JAKMIP1: variants seen among roughly 807,000 people sequenced by gnomAD.
JAKMIP1 encodes janus kinase and microtubule interacting protein 1.
JAKMIP1 carries 33 observed loss-of-function variants against 113.0 expected under a neutral mutation model. That is an observed-to-expected ratio of 0.29 (90% CI 0.22 to 0.39). The LOEUF (loss-of-function observed/expected upper bound fraction) is 0.39. Ranked by LOEUF, JAKMIP1 falls within the 10% of genes least tolerant of loss-of-function variation. JAKMIP1 has a pLI of 1.00. For synonymous variants in JAKMIP1, 480 were observed against 459.9 expected, an observed-to-expected ratio of 1.04 and a Z score of -0.56; for missense variants, 813 against 1,080.5, an observed-to-expected ratio of 0.75 and a Z score of 3.47.
At chr4:6,145,777 C>T (rs181464181) in intron 1 of JAKMIP1, among the ~76,000 whole-genome samples, 12 of 152,268 alleles carry the variant, frequency 7.9e-5, no homozygotes, top group Admixed American at 7.2e-4. Flanking sequence ...TCCTCCTTGG[C>T]TTGTAGACCC....
intron 19 of JAKMIP1, among the ~76,000 whole-genome samples, chr4:6,032,864 C>T (rs554881670): frequency 1.2e-4 from 19 of 152,144 alleles, no homozygotes; most frequent in African/African-American, 3.6e-4. Context: ...CAGCGGGAGG[C>T]GGGGGTGCTG....
chr4:6,140,175 A>C lies in JAKMIP1; in HGVS notation c.-147-27178T>G, dbSNP rs1189456644. ...ATACACACAGGGGAGAAAGGCTGAC[A>C]GCGGCAGAAACAATCAATGTTCACG... On this transcript the variant is annotated intron_variant, in intron 1 of 20. Transcript: ENST00000409021. This position sits in a 1 kb window ranked among gnomAD's most constrained non-coding sequence, Gnocchi z 9.4. Among the ~76,000 whole-genome samples the C allele has an allele frequency of 6.6e-6, 1 of 152,106 alleles. No individual in the cohort carries two copies. The highest frequency in any genetic ancestry group is 2.4e-5 in the African/African-American group (1 of 41,380).
chr4:6,098,623 AAAAG>A lies in JAKMIP1; in HGVS notation c.624+6846_624+6849del, dbSNP rs1220576451. On this transcript the variant is annotated intron_variant, in intron 3 of 20. Transcript: ENST00000409021. ...GAAAGGAAGAAAAGAAAGAAAAAGA[AAAAG>A]AAAGAAAGAAAAGAAAGAAAGGAAA... Among the ~76,000 whole-genome samples, 131 of 148,392 alleles carry A rather than the reference AAAAG, an allele frequency of 8.8e-4. No individual in the cohort carries two copies. The Middle Eastern group carries it at 0.01, about 12-fold the overall frequency.
intron 19 of JAKMIP1, among the ~76,000 whole-genome samples, chr4:6,032,001 C>T (rs957022045): frequency 6.6e-6 from 1 of 152,166 alleles, no homozygotes; most frequent in Non-Finnish European, 1.5e-5. Context: ...AGTTTCCTGG[C>T]AACCCCCTCA....
At position 6,038,899 on chromosome 4, in the gene JAKMIP1, C is replaced by T. The variant is rs1459356735; in HGVS notation, c.2175+1740G>A. 4.6e-5 allele frequency among the ~76,000 whole-genome samples: 7 copies of T among 152,224 alleles called. No individual in the cohort carries two copies. In the East Asian group the frequency reaches 1.3e-3, roughly 29 times the overall value. On this transcript the variant is annotated intron_variant, in intron 18 of 20. Transcript: ENST00000409021. Reference sequence around the variant, plus strand: ...TCTGGAAATCCCGTTGTGGGCCTGCCCCGCCTCACTCAGCTCAGTGACAAA... The same window carrying T: ...TCTGGAAATCCCGTTGTGGGCCTGCTCCGCCTCACTCAGCTCAGTGACAAA...
intron 2 of JAKMIP1, among the ~76,000 whole-genome samples, chr4:6,109,342 C>T (rs1418601864): frequency 6.6e-6 from 1 of 151,716 alleles, no homozygotes. Context: ...ACTGTGTTAG[C>T]CAGGATGGTC....
chr4:6,075,081 GA>G (rs549859528), intron 8 of JAKMIP1, among the ~76,000 whole-genome samples: 346 of 151,986 alleles, frequency 2.3e-3, no homozygotes, highest in Non-Finnish European at 3.7e-3. Context: ...TAATGAAAAG[GA>G]AAAAAAAGTC....
chr4:6,125,726 A>G (rs1327626728), intron 1 of JAKMIP1, among the ~76,000 whole-genome samples: 1 of 146,544 alleles, frequency 6.8e-6, no homozygotes, highest in Non-Finnish European at 1.5e-5. Context: ...AGAAACACAC[A>G]CACACACCAT....
At chr4:6,032,064 G>A (rs1051107727) in intron 19 of JAKMIP1, among the ~76,000 whole-genome samples, 8 of 152,184 alleles carry the variant, frequency 5.3e-5, no homozygotes, top group African/African-American at 1.2e-4. Context: ...GCCTGAACCC[G>A]GCTTGAATTC....
At chr4:6,068,824 C>T (rs1258930765) in intron 8 of JAKMIP1, among the ~76,000 whole-genome samples, 6 of 152,134 alleles carry the variant, frequency 3.9e-5, no homozygotes, top group African/African-American at 1.4e-4. Context: ...TCTACCTCGA[C>T]CTCCCAAAGT....
At chr4:6,169,603 T>TTG (rs71173413) in intron 1 of JAKMIP1, among the ~76,000 whole-genome samples, 18,257 of 137,024 alleles carry the variant, frequency 0.13, 1,284 homozygotes, top group Non-Finnish European at 0.17. Context: ...CCCTAGGAAA[T>TTG]TGTGTGTGTG....
intron 16 of JAKMIP1, 103 bp downstream of exon 16, chr4:6,048,754 G>T: frequency 1.1e-6 from 1 of 938,744 alleles, no homozygotes; most frequent in South Asian, 1.4e-5. Context: ...AGACGGACTG[G>T]AACGCATGCT....
chr4:6,151,483 C>T lies in JAKMIP1; in HGVS notation c.-147-38486G>A, dbSNP rs971984481. ...CAAGCTGTTCTCTCTGCCCAGAAGG[C>T]CCTCTGCTTGCTTACCCACCATTCT... On this transcript the variant is annotated intron_variant, in intron 1 of 20. Transcript: ENST00000409021. Among the ~76,000 whole-genome samples, 8 of 152,108 alleles carry T rather than the reference C, an allele frequency of 5.3e-5. No individual in the cohort carries two copies. The East Asian group carries it at 1.2e-3, about 22-fold the overall frequency.
chr4:6,188,876 C>G lies in JAKMIP1; in HGVS notation c.-148+11377G>C, dbSNP rs965500402. On this transcript the variant is annotated intron_variant, in intron 1 of 20. Transcript: ENST00000409021. This position sits in a 1 kb window ranked among gnomAD's most constrained non-coding sequence, Gnocchi z 5.8. Reference sequence around the variant, plus strand: ...TAGATCATGTCAGGAAAGCACCCATCTGCCCAGTGGTTTAAATAGATTAGG... The same window carrying G: ...TAGATCATGTCAGGAAAGCACCCATGTGCCCAGTGGTTTAAATAGATTAGG... Among the ~76,000 whole-genome samples, 4 of 152,214 alleles carry G rather than the reference C, an allele frequency of 2.6e-5. No individual in the cohort carries two copies. Among genetic ancestry groups the G allele is most frequent in the African/African-American group, 9.6e-5 (4 of 41,452 alleles).
chr4:6,051,476 G>T lies in JAKMIP1; in HGVS notation c.1807-797C>A, dbSNP rs1715652479. ...TGGTCTTGAACTCCAGAGACCTCAG[G>T]TGATCCACCCGCCTCGGCCTCCCAA... On this transcript the variant is annotated intron_variant, in intron 13 of 20. Coordinates refer to ENST00000409021, the MANE Select transcript of JAKMIP1 (RefSeq NM_001099433.2). The surrounding 1 kb of genome is among the most constrained non-coding windows in gnomAD (Gnocchi z 5.0). 6.6e-6 allele frequency among the ~76,000 whole-genome samples: 1 copy of T among 152,140 alleles called. No individual in the cohort carries two copies. The highest frequency in any genetic ancestry group is 2.1e-4 in the South Asian group (1 of 4,828).
intron 3 of JAKMIP1, among the ~76,000 whole-genome samples, chr4:6,100,143 G>A (rs965187694): frequency 1.3e-5 from 2 of 152,022 alleles, no homozygotes; most frequent in African/African-American, 4.8e-5. Flanking sequence ...GAACTTCGCC[G>A]ATTTTTAGTA....
rs181737978 is a variant in JAKMIP1, at chr4:6,153,205, C to T, written c.-147-40208G>A. Among the ~76,000 whole-genome samples, 27 of 152,322 alleles carry T rather than the reference C, an allele frequency of 1.8e-4. No individual in the cohort carries two copies. In the East Asian group the frequency reaches 5.2e-3, roughly 29 times the overall value. The stretch of plus-strand genomic sequence containing the variant: ...AGCTCACCAGAGGCCAACACCTGCT[C>T]ACCATTCGACAGCACCCTGATTCCT... On this transcript the variant is annotated intron_variant, in intron 1 of 20. Transcript: ENST00000409021. This position sits in a 1 kb window ranked among gnomAD's most constrained non-coding sequence, Gnocchi z 4.9.
At position 6,081,477 on chromosome 4, in the gene JAKMIP1, C is replaced by T; in HGVS notation, c.1101+132G>A. 1 of 954,306 alleles carries T rather than the reference C, an allele frequency of 1.0e-6. No individual in the cohort carries two copies. The highest frequency in any genetic ancestry group is 1.6e-6 in the Non-Finnish European group (1 of 624,050). 59.1% of individuals were successfully genotyped at this position (954,306 alleles called of 1,614,324 possible). ...AAAGGCGAGACATCTGTGACTGACA[C>T]TGTGCCTGGTGCTTTGTGGGGAGGT... On this transcript the variant is annotated intron_variant, in intron 6 of 20. Transcript: ENST00000409021. This position sits in a 1 kb window ranked among gnomAD's most constrained non-coding sequence, Gnocchi z 4.6.
Position 6,049,375 on chromosome 4 carries a change from C to T in JAKMIP1, c.1962+444G>A, listed in dbSNP as rs1417857362. ...TTCCTAGCTTCTCTCTGAGCTGCACCCGAGGGTCAGCTCCCTCTCGCTAAT... is the reference window on the plus strand; with the variant it reads ...TTCCTAGCTTCTCTCTGAGCTGCACTCGAGGGTCAGCTCCCTCTCGCTAAT... On this transcript the variant is annotated intron_variant, in intron 15 of 20. Coordinates refer to ENST00000409021, the MANE Select transcript of JAKMIP1 (RefSeq NM_001099433.2). This position sits in a 1 kb window ranked among gnomAD's most constrained non-coding sequence, Gnocchi z 7.0. Among the ~76,000 whole-genome samples, 1 of 152,216 alleles carries T rather than the reference C, an allele frequency of 6.6e-6. No homozygotes were observed. The highest frequency in any genetic ancestry group is 1.9e-4 in the East Asian group (1 of 5,200).
Sources: gnomAD v4.1 joint callset for allele counts (sites outside exome capture counted in the v4.1 genomes callset) on GRCh38, gnomAD v4.1.1 for gene constraint, Gnocchi (gnomAD v3.1) non-coding constraint, MANE v1.5 for transcripts, NCBI Gene and HGNC (gene_info 2026-07-23, HGNC 2026-07-21) for gene names.